ABLIM2: variants seen among roughly 807,000 people sequenced by gnomAD.
ABLIM2 encodes the protein actin-binding LIM protein 2.
A neutral mutation model predicts 97.7 loss-of-function variants in ABLIM2; 53 were observed. That is an observed-to-expected ratio of 0.54 (90% confidence interval 0.44 to 0.68). ABLIM2 has a LOEUF of 0.68. Among genes scored for constraint, ABLIM2 ranks in the 30% least tolerant of loss-of-function variants. The probability of loss-of-function intolerance (pLI) is 0.00; values close to 1 mark genes in which losing one functional copy is unlikely to be tolerated. For missense variants in ABLIM2, 835 were observed against 867.2 expected, an observed-to-expected ratio of 0.96 and a Z score of 0.47; for synonymous variants, 361 against 345.8, an observed-to-expected ratio of 1.04 and a Z score of -0.49.
chr4:8,087,088 G>T lies in ABLIM2; in HGVS notation c.454+1081C>A, dbSNP rs1423055454. On this transcript the variant is annotated intron_variant, in intron 4 of 20. Coordinates refer to ENST00000447017, the MANE Select transcript of ABLIM2 (RefSeq NM_001130083.2). This position sits in a 1 kb window ranked among gnomAD's most constrained non-coding sequence, Gnocchi z 4.6. ...GCAGCAGACAAGGTGGGGGAGAAAG[G>T]AGGCATTTGACACAGGAGAGGAAAT... Among the ~76,000 whole-genome samples the T allele has an allele frequency of 6.6e-6, 1 of 152,208 alleles. No individual in the cohort carries two copies. The highest frequency in any genetic ancestry group is 1.5e-5 in the Non-Finnish European group (1 of 68,038).
chr4:8,052,155 T>C (rs1796442660), intron 8 of ABLIM2, among the ~76,000 whole-genome samples: 1 of 152,244 alleles, frequency 6.6e-6, no homozygotes, highest in African/African-American at 2.4e-5. Flanking sequence ...TCTCCACTCA[T>C]CGGAGCCACA....
At chr4:8,119,904 G>T (rs978513194) in intron 1 of ABLIM2, among the ~76,000 whole-genome samples, 1 of 152,114 alleles carries the variant, frequency 6.6e-6, no homozygotes, top group Admixed American at 6.5e-5. Context: ...CAGACCCTTC[G>T]CCTCCGCTCA....
intron 10 of ABLIM2, among the ~76,000 whole-genome samples, chr4:8,030,129 G>C (rs529310602): frequency 1.4e-4 from 21 of 152,184 alleles, no homozygotes; most frequent in African/African-American, 4.8e-4. Context: ...TTAGAACACA[G>C]TGTGAGAACC....
chr4:8,039,641 T>C (rs910729070), intron 9 of ABLIM2, among the ~76,000 whole-genome samples: 2 of 152,214 alleles, frequency 1.3e-5, no homozygotes, highest in African/African-American at 4.8e-5. Context: ...AACAGTATCA[T>C]TACCATATAA....
intron 7 of ABLIM2, among the ~76,000 whole-genome samples, chr4:8,056,361 T>G (rs1177038527): frequency 6.7e-6 from 1 of 148,270 alleles, no homozygotes; most frequent in East Asian, 2.1e-4. Context: ...ATGGCAGTGG[T>G]GCAAATATAG....
rs1194176467 is a variant in ABLIM2 at position 7,992,936 on chromosome 4, G to C, written c.1619-9C>G. On this transcript the variant is annotated splice_polypyrimidine_tract_variant and intron_variant, in intron 16 of 20. Coordinates refer to ENST00000447017, the MANE Select transcript of ABLIM2 (RefSeq NM_001130083.2). This position sits in a 1 kb window ranked among gnomAD's most constrained non-coding sequence, Gnocchi z 5.7. ...TTTGGAATAGGGGAATCCTGAAACA[G>C]ACACAGCACAGCTTTGTCACGCGCG... 6.2e-7 allele frequency: 1 copy of C among 1,612,576 alleles called. No individual in the cohort carries two copies. Among genetic ancestry groups the C allele is most frequent in the Admixed American group, 1.7e-5 (1 of 59,926 alleles).
chr4:8,135,350 T>C (rs763458936), intron 1 of ABLIM2, among the ~76,000 whole-genome samples: 1 of 152,204 alleles, frequency 6.6e-6, no homozygotes, highest in Non-Finnish European at 1.5e-5. Flanking sequence ...TAGGTACTAA[T>C]GTATTGCTAT....
chr4:8,081,773 G>C (rs1209700312), intron 4 of ABLIM2, among the ~76,000 whole-genome samples: 1 of 152,148 alleles, frequency 6.6e-6, no homozygotes, highest in Non-Finnish European at 1.5e-5. Context: ...GCATCCCCAA[G>C]GGAAAGGGCC....
In ABLIM2 at chr4:8,019,094, C is replaced by G. The variant is rs574775725; in HGVS notation, c.1423+524G>C. ...CAGGTTCACGTGGAGCAGAGCTGGG[C>G]GTCAGCTCCTATTTGCTTATGCAAG... On this transcript the variant is annotated intron_variant, in intron 14 of 20. Transcript: ENST00000447017. This position sits in a 1 kb window ranked among gnomAD's most constrained non-coding sequence, Gnocchi z 4.3. Among the ~76,000 whole-genome samples the G allele has an allele frequency of 6.6e-6, 1 of 152,188 alleles. No homozygotes were observed. Among genetic ancestry groups the G allele is most frequent in the Non-Finnish European group, 1.5e-5 (1 of 68,026 alleles).
chr4:8,106,775 G>C (rs184025014), intron 1 of ABLIM2, 138 bp from the exon 2 acceptor site: 5 of 1,097,438 alleles, frequency 4.6e-6, no homozygotes, highest in Non-Finnish European at 6.3e-6. Flanking sequence ...ACGGGGCATC[G>C]GGGTCGGTCT....
At chr4:8,077,280 T>C (rs1264525709) in intron 6 of ABLIM2, among the ~76,000 whole-genome samples, 1 of 152,194 alleles carries the variant, frequency 6.6e-6, no homozygotes, top group African/African-American at 2.4e-5. Flanking sequence ...GTGCCTCCTA[T>C]GGGGACGAGG....
Position 8,085,054 on chromosome 4 carries a change from C to T in ABLIM2, c.454+3115G>A, listed in dbSNP as rs1169609750. 2.0e-5 allele frequency among the ~76,000 whole-genome samples: 3 copies of T among 152,144 alleles called. No individual in the cohort carries two copies. Among genetic ancestry groups the T allele is most frequent in the Non-Finnish European group, 4.4e-5 (3 of 68,000 alleles). ...AGAGTGGTGGGGAAGCTGAGGCATG[C>T]GGGGTGTTCGCTGCTCCTTCTGGAA... On this transcript the variant is annotated intron_variant, in intron 4 of 20. Transcript: ENST00000447017. This position sits in a 1 kb window ranked among gnomAD's most constrained non-coding sequence, Gnocchi z 6.1.
chr4:7,973,742 C>A (rs1027275111), intron 20 of ABLIM2, among the ~76,000 whole-genome samples: 1 of 152,228 alleles, frequency 6.6e-6, no homozygotes, highest in East Asian at 1.9e-4. Context: ...TGTGAATCCA[C>A]GAGCCATGGA....
chr4:8,082,128 C>A lies in ABLIM2; in HGVS notation c.455-1326G>T, dbSNP rs927862978. On this transcript the variant is annotated intron_variant, in intron 4 of 20. Coordinates refer to ENST00000447017, the MANE Select transcript of ABLIM2 (RefSeq NM_001130083.2). The surrounding 1 kb of genome is among the most constrained non-coding windows in gnomAD (Gnocchi z 5.6). ...GGACAGGGAGGAAGAGGGTGTCTGA[C>A]AAACAGGGCCTTGCCGCCTGCAGGA... is the stretch of plus-strand genomic sequence containing the variant. 1.3e-5 allele frequency among the ~76,000 whole-genome samples: 2 copies of A among 152,082 alleles called. No homozygotes were observed. Among genetic ancestry groups the A allele is most frequent in the African/African-American group, 4.8e-5 (2 of 41,412 alleles).
rs1474637265 is a variant in ABLIM2 at position 8,040,716 on chromosome 4, G to A, written c.901-4421C>T. On this transcript the variant is annotated intron_variant, in intron 9 of 20. Coordinates refer to ENST00000447017, the MANE Select transcript of ABLIM2 (RefSeq NM_001130083.2). Reference sequence around the variant, plus strand: ...TTGGTGAAGAGCCGGACCGTGTGCAGTGCCCACTCATGTGGCACCAACCCC... The same window carrying A: ...TTGGTGAAGAGCCGGACCGTGTGCAATGCCCACTCATGTGGCACCAACCCC... Among the ~76,000 whole-genome samples the A allele has an allele frequency of 2.0e-5, 3 of 152,204 alleles. No homozygotes were observed. In the South Asian group the frequency reaches 6.2e-4, roughly 32 times the overall value.
At chr4:8,109,653 G>A (rs1426703152) in intron 1 of ABLIM2, among the ~76,000 whole-genome samples, 18 of 152,212 alleles carry the variant, frequency 1.2e-4, no homozygotes, top group Admixed American at 9.2e-4. Flanking sequence ...TGCTGGGGCC[G>A]CAGGTCTTTC....
At chr4:8,080,013 C>T (rs1375220274) in intron 5 of ABLIM2, among the ~76,000 whole-genome samples, 1 of 152,220 alleles carries the variant, frequency 6.6e-6, no homozygotes. Context: ...CCTCAGGTCC[C>T]CAATCCCCCA....
At chr4:8,029,878 A>C (rs1779782995) in intron 10 of ABLIM2, 102 bp from the exon 11 acceptor site, 2 of 1,440,378 alleles carry the variant, frequency 1.4e-6, no homozygotes, top group African/African-American at 1.4e-5. Flanking sequence ...CTCCTGACCC[A>C]AGTGGATGAC....
intron 6 of ABLIM2, among the ~76,000 whole-genome samples, chr4:8,074,776 C>CTTTTTTTTTTTTTTTTTTTTTTTTTTT (rs71175458): frequency 9.5e-6 from 1 of 105,048 alleles, no homozygotes; most frequent in Non-Finnish European, 1.9e-5. Flanking sequence ...CCTGGTAATT[C>CTTTTTTTTTTTTTTTTTTTTTTTTTTT]TTTTTTTTTT....
Sources: gnomAD v4.1 joint callset for allele counts (sites outside exome capture counted in the v4.1 genomes callset) on GRCh38, gnomAD v4.1.1 for gene constraint, Gnocchi (gnomAD v3.1) non-coding constraint, MANE v1.5 for transcripts, NCBI Gene and HGNC (gene_info 2026-07-23, HGNC 2026-07-21) for gene names.